Variants in SMC5 observed in about 807,000 individuals in gnomAD.
SMC5 encodes the protein structural maintenance of chromosomes 5, also known as structural maintenance of chromosomes protein 5.
In SMC5, 88 loss-of-function variants were observed where a neutral mutation model predicts 148.3. The ratio of observed to expected loss-of-function variants is 0.59; its 90% CI spans 0.50 to 0.71. The LOEUF (loss-of-function observed/expected upper bound fraction) is 0.71. Among genes scored for constraint, SMC5 ranks in the 30% least tolerant of loss-of-function variants. The probability of loss-of-function intolerance (pLI) is 0.00; values close to 1 mark genes in which losing one functional copy is unlikely to be tolerated. For missense variants in SMC5, 1,142 were observed against 1,298.9 expected (o/e 0.88, Z 1.86); for synonymous variants, 421 against 432.8 (o/e 0.97, Z 0.34).
At position 70,268,278 on chromosome 9, in the gene SMC5, T is replaced by C. The variant is rs1205220379; in HGVS notation, c.380+303T>C. Among the ~76,000 whole-genome samples, 3 of 152,096 alleles carry C rather than the reference T, an allele frequency of 2.0e-5. No individual in the cohort carries two copies. In the East Asian group the frequency reaches 5.8e-4, roughly 29 times the overall value. On this transcript the variant is annotated intron_variant, in intron 3 of 24. Transcript: ENST00000361138. ...CTGACCAACATGAGGAAGCCCCGTC[T>C]CTACTAAAAATAGAAAAATTATCCA... is the stretch of plus-strand genomic sequence containing the variant.
intron 22 of SMC5, among the ~76,000 whole-genome samples, chr9:70,348,961 G>A (rs1234201530): frequency 6.6e-6 from 1 of 152,092 alleles, no homozygotes; most frequent in Non-Finnish European, 1.5e-5. Flanking sequence ...CTAGAAAATT[G>A]AAAATTACAT....
intron 3 of SMC5, among the ~76,000 whole-genome samples, chr9:70,273,974 A>AT (rs1280699189): frequency 6.6e-6 from 1 of 152,144 alleles, no homozygotes; most frequent in Admixed American, 6.5e-5. Flanking sequence ...TGTCAGATTG[A>AT]TACCTTAATT....
At chr9:70,340,949 A>G (rs1481501964) in intron 17 of SMC5, among the ~76,000 whole-genome samples, 1 of 152,146 alleles carries the variant, frequency 6.6e-6, no homozygotes, top group African/African-American at 2.4e-5. Flanking sequence ...AGTGGGGGAT[A>G]TTTTGTACAT....
At chr9:70,282,607 A>T (rs2034780790) in intron 7 of SMC5, 24 bp downstream of exon 7, 2 of 1,536,946 alleles carry the variant, frequency 1.3e-6, no homozygotes, top group South Asian at 1.3e-5. Flanking sequence ...TCAATTTTGG[A>T]TTATCTGAAT....
chr9:70,311,413 C>G (rs2035654019), intron 11 of SMC5: 1 of 152,066 alleles, frequency 6.6e-6, no homozygotes, highest in African/African-American at 2.4e-5. Context: ...TGGTATGTGG[C>G]ACTCCAATGA....
At chr9:70,268,714 A>G (rs1450171319) in intron 3 of SMC5, among the ~76,000 whole-genome samples, 3 of 152,038 alleles carry the variant, frequency 2.0e-5, no homozygotes, top group African/African-American at 7.3e-5. Context: ...CATCATTCCT[A>G]ATTCTATAAA....
At chr9:70,316,716 C>T (rs1316682912) in intron 13 of SMC5, among the ~76,000 whole-genome samples, 1 of 152,002 alleles carries the variant, frequency 6.6e-6, no homozygotes, top group Non-Finnish European at 1.5e-5. Flanking sequence ...TTAAACTTCA[C>T]TTTGGGGCAG....
At chr9:70,316,801 A>T (rs557327472) in intron 13 of SMC5, among the ~76,000 whole-genome samples, 2 of 152,204 alleles carry the variant, frequency 1.3e-5, no homozygotes, top group East Asian at 3.9e-4. Flanking sequence ...CATTTTGTTT[A>T]AGTCACCTAG....
At chr9:70,340,190 A>G (rs1007220788) in intron 17 of SMC5, among the ~76,000 whole-genome samples, 2 of 152,014 alleles carry the variant, frequency 1.3e-5, no homozygotes, top group Non-Finnish European at 2.9e-5. Context: ...TTATTTGCTT[A>G]TTCTAATACC....
chr9:70,309,879 T>G (rs1237934842), intron 11 of SMC5, among the ~76,000 whole-genome samples: 4 of 152,216 alleles, frequency 2.6e-5, no homozygotes, highest in African/African-American at 9.6e-5. Context: ...AGACAGGGTC[T>G]TGCTCTGTTA....
chr9:70,320,316 T>C (rs1425459939), intron 15 of SMC5, among the ~76,000 whole-genome samples: 1 of 152,140 alleles, frequency 6.6e-6, no homozygotes, highest in African/African-American at 2.4e-5. Context: ...CCCAACACTT[T>C]GTGAGGCCAA....
chr9:70,347,935 T>C lies in SMC5; in HGVS notation c.2786T>C (p.Leu929Pro). ...TATTTGTAGGTAAAAGAAAGGTGGC[T>C]TAATCCTTTAAAAGAGCTGGTAGAA... Reference protein sequence around the residue: ...ENISQVKERWLNPLKELVEKI... With the variant: ...ENISQVKERWPNPLKELVEKI... Residue 929 changes from leucine to proline, a missense_variant, in exon 22 of 25, where the codon CTT becomes CCT. This residue lies in a region of SMC5 where 743 missense variants were observed against 835.7 expected (regional missense o/e 0.89). Transcript: ENST00000361138. The C allele has an allele frequency of 1.3e-6, 2 of 1,596,136 alleles. No homozygotes were observed. Among genetic ancestry groups the C allele is most frequent in the South Asian group, 1.1e-5 (1 of 87,656 alleles).
intron 15 of SMC5, among the ~76,000 whole-genome samples, chr9:70,321,933 A>C (rs77869596): frequency 9.2e-5 from 14 of 152,182 alleles, no homozygotes; most frequent in African/African-American, 3.4e-4. Context: ...CTTCTCGTCT[A>C]TAGACTAAAG....
chr9:70,327,645 A>G (rs1047231362), intron 17 of SMC5, among the ~76,000 whole-genome samples: 1 of 152,222 alleles, frequency 6.6e-6, no homozygotes, highest in Non-Finnish European at 1.5e-5. Context: ...AGAGAAGTTT[A>G]TCTTTAAAGA....
Position 70,280,824 on chromosome 9 carries a change from A to G in SMC5, c.744A>G (p.Gln248=). 1 of 1,613,936 alleles carries G rather than the reference A, an allele frequency of 6.2e-7. No individual in the cohort carries two copies. The highest frequency in any genetic ancestry group is 8.5e-7 in the Non-Finnish European group (1 of 1,179,918). ...KMVQRNERYK[Q]DVERFYERKR... is the part of the protein sequence containing the mutation. ...TTCAGAGGAATGAAAGATATAAACA[A>G]GATGTGGAGAGGTTCTATGAACGGA... The change falls in exon 6 of 25, where the codon CAA becomes CAG. Residue 248 remains glutamine (Q), a synonymous_variant. Coordinates refer to ENST00000361138, the MANE Select transcript of SMC5 (RefSeq NM_015110.4).
intron 17 of SMC5, among the ~76,000 whole-genome samples, chr9:70,333,119 A>C (rs1564065862): frequency 2.0e-5 from 3 of 152,154 alleles, no homozygotes; most frequent in South Asian, 2.1e-4. Flanking sequence ...GTAAAAAAAA[A>C]CCTCCAAACA....
chr9:70,328,249 T>C (rs1046737502), intron 17 of SMC5, among the ~76,000 whole-genome samples: 6 of 152,132 alleles, frequency 3.9e-5, no homozygotes, highest in East Asian at 1.9e-4. Flanking sequence ...CCCAAAGTCT[T>C]AACTCATTCT....
At chr9:70,299,343 T>A (rs1321127286) in intron 9 of SMC5, among the ~76,000 whole-genome samples, 4 of 152,018 alleles carry the variant, frequency 2.6e-5, no homozygotes, top group Admixed American at 2.0e-4. Context: ...TTTTTTTAAA[T>A]TTGCTTAAGC....
chr9:70,292,701 G>A (rs919611257), intron 8 of SMC5, among the ~76,000 whole-genome samples: 11 of 152,024 alleles, frequency 7.2e-5, no homozygotes, highest in Non-Finnish European at 1.5e-4. Context: ...ATGTTTCTAG[G>A]AATTTTTATG....
Sources: allele counts gnomAD v4.1 joint callset (sites outside exome capture counted in the v4.1 genomes callset), GRCh38; gene constraint gnomAD v4.1.1; regional missense constraint gnomAD v4.1.1; transcripts MANE v1.5; gene names NCBI Gene and HGNC (gene_info 2026-07-23, HGNC 2026-07-21).